Variants in MEI4 observed in about 807,000 individuals in gnomAD.
The protein encoded by MEI4 is meiotic double-stranded break formation protein 4.
In MEI4, 27 loss-of-function variants were observed where a neutral mutation model predicts 31.4. The ratio of observed to expected loss-of-function variants is 0.86; its 90% CI spans 0.63 to 1.19. The LOEUF is 1.19. MEI4 is among the 50% of genes most tolerant of loss of function. The pLI is 0.00. For missense variants in MEI4, 329 were observed against 398.9 expected, an observed-to-expected ratio of 0.82 and a Z score of 1.49; for synonymous variants, 122 against 145.4, an observed-to-expected ratio of 0.84 and a Z score of 1.16.
intron 2 of MEI4, among the ~76,000 whole-genome samples, chr6:77,758,059 G>A (rs1314447750): frequency 6.6e-6 from 1 of 151,630 alleles, no homozygotes; most frequent in African/African-American, 2.4e-5. Context: ...GGGAGGCTGA[G>A]GCAGGAGAAT....
intron 2 of MEI4, among the ~76,000 whole-genome samples, chr6:77,694,818 G>T (rs2127653590): frequency 6.6e-6 from 1 of 151,542 alleles, no homozygotes; most frequent in South Asian, 2.1e-4. Flanking sequence ...TCTAGTTCTA[G>T]ATCCCTGAGG....
chr6:77,906,474 G>A (rs1766298931), intron 4 of MEI4, among the ~76,000 whole-genome samples: 1 of 152,164 alleles, frequency 6.6e-6, no homozygotes, highest in East Asian at 1.9e-4. Context: ...TGTATCCTTA[G>A]CAGCAAACAC....
intron 2 of MEI4, among the ~76,000 whole-genome samples, chr6:77,711,111 ATGT>A (rs1766455685): frequency 1.6e-5 from 2 of 126,542 alleles, no homozygotes; most frequent in South Asian, 2.7e-4. Flanking sequence ...GAATAGAGAG[ATGT>A]TGTTCAAAGA....
At chr6:77,685,074 G>A (rs146920750) in intron 1 of MEI4, among the ~76,000 whole-genome samples, 1,873 of 152,220 alleles carry the variant, frequency 0.012, 41 homozygotes, top group African/African-American at 0.041. Flanking sequence ...TCTAATTGTA[G>A]TTTTGATTTG....
chr6:77,713,554 A>C lies in MEI4; in HGVS notation c.232+22651A>C, dbSNP rs555978527. On this transcript the variant is annotated intron_variant, in intron 2 of 4. Coordinates refer to ENST00000684080, the MANE Select transcript of MEI4 (RefSeq NM_001322247.2). The stretch of plus-strand genomic sequence containing the variant: ...GATGGGCATCATGGCCACATTCTCC[A>C]GTTTCAGTCCAGAATCAAAAGTGAA... Among the ~76,000 whole-genome samples, 83 of 152,296 alleles carry C rather than the reference A, an allele frequency of 5.4e-4. 1 individual carries two copies. Among genetic ancestry groups the C allele is most frequent in the South Asian group, 1.2e-3 (6 of 4,824 alleles).
chr6:77,819,491 T>C (rs1272649843), intron 3 of MEI4, among the ~76,000 whole-genome samples: 4 of 152,186 alleles, frequency 2.6e-5, no homozygotes, highest in Non-Finnish European at 5.9e-5. Flanking sequence ...ATTCCTAGGA[T>C]TTAAAAAATA....
At chr6:77,700,498 C>T (rs928434585) in intron 2 of MEI4, among the ~76,000 whole-genome samples, 1 of 152,184 alleles carries the variant, frequency 6.6e-6, no homozygotes, top group Non-Finnish European at 1.5e-5. Flanking sequence ...TCTATTACCC[C>T]TTTCTTTGAC....
At chr6:77,700,448 G>T (rs1021825197) in intron 2 of MEI4, among the ~76,000 whole-genome samples, 1 of 152,162 alleles carries the variant, frequency 6.6e-6, no homozygotes, top group African/African-American at 2.4e-5. Flanking sequence ...TTGGAAAAGC[G>T]CAGTATTTGG....
At chr6:77,894,560 AAG>A (rs1180208272) in intron 4 of MEI4, among the ~76,000 whole-genome samples, 4 of 152,208 alleles carry the variant, frequency 2.6e-5, no homozygotes, top group African/African-American at 9.6e-5. Flanking sequence ...TAGGAATAAA[AAG>A]GGATAAATAT....
chr6:77,909,241 C>A (rs1029319012), intron 4 of MEI4, among the ~76,000 whole-genome samples: 1 of 152,048 alleles, frequency 6.6e-6, no homozygotes, highest in South Asian at 2.1e-4. Context: ...ACACAAAAAA[C>A]CCTTCAAAAA....
intron 1 of MEI4, among the ~76,000 whole-genome samples, chr6:77,654,585 G>T (rs951424710): frequency 2.4e-5 from 2 of 83,272 alleles, no homozygotes; most frequent in Non-Finnish European, 4.7e-5. Context: ...ATGAATAAAA[G>T]TACTACTACT....
At chr6:77,812,566 C>A (rs9350733) in intron 3 of MEI4, among the ~76,000 whole-genome samples, 1 of 151,828 alleles carries the variant, frequency 6.6e-6, no homozygotes, top group African/African-American at 2.4e-5. Flanking sequence ...AGGAAATTAC[C>A]CCATATGAAG....
chr6:77,706,628 G>T (rs535176030), intron 2 of MEI4, among the ~76,000 whole-genome samples: 22 of 152,262 alleles, frequency 1.4e-4, no homozygotes, highest in African/African-American at 5.1e-4. Context: ...TTCAATGTTG[G>T]AGGTGGGCCT....
intron 4 of MEI4, among the ~76,000 whole-genome samples, chr6:77,889,540 G>A (rs1424187760): frequency 6.6e-6 from 1 of 152,168 alleles, no homozygotes; most frequent in Non-Finnish European, 1.5e-5. Flanking sequence ...GAGTATAAAA[G>A]TTTAGAAAAT....
chr6:77,773,157 A>G (rs1768358370), intron 3 of MEI4, among the ~76,000 whole-genome samples: 1 of 152,042 alleles, frequency 6.6e-6, no homozygotes, highest in African/African-American at 2.4e-5. Context: ...CTATCAAAAT[A>G]CTAATGGCAT....
intron 3 of MEI4, among the ~76,000 whole-genome samples, chr6:77,803,199 C>T (rs1374439639): frequency 6.6e-6 from 1 of 152,186 alleles, no homozygotes; most frequent in Non-Finnish European, 1.5e-5. Flanking sequence ...CTAAACTTCT[C>T]TTCTCACTTC....
At chr6:77,707,694 G>T (rs758293892) in intron 2 of MEI4, among the ~76,000 whole-genome samples, 2 of 152,204 alleles carry the variant, frequency 1.3e-5, no homozygotes, top group Non-Finnish European at 2.9e-5. Flanking sequence ...AGGAAGGAAT[G>T]GTTTTCTGAG....
chr6:77,661,639 T>C (rs1297192501), intron 1 of MEI4, among the ~76,000 whole-genome samples: 1 of 152,048 alleles, frequency 6.6e-6, no homozygotes, highest in East Asian at 1.9e-4. Flanking sequence ...TAGATTTCCA[T>C]GATGGAAAGG....
intron 2 of MEI4, among the ~76,000 whole-genome samples, chr6:77,736,244 C>G (rs1046829922): frequency 7.9e-5 from 12 of 152,140 alleles, no homozygotes; most frequent in Non-Finnish European, 1.6e-4. Flanking sequence ...CTTGCTGCCC[C>G]CTTGCAGTTT....
Sources: allele counts gnomAD v4.1 joint callset (sites outside exome capture counted in the v4.1 genomes callset), GRCh38; gene constraint gnomAD v4.1.1; transcripts MANE v1.5; gene names NCBI Gene and HGNC (gene_info 2026-07-23, HGNC 2026-07-21).